Variants in KIF16B observed in about 807,000 individuals in gnomAD.
The protein encoded by KIF16B is kinesin-like protein KIF16B.
A neutral mutation model predicts 156.3 loss-of-function variants in KIF16B; 98 were observed. The ratio of observed to expected loss-of-function variants is 0.63; its 90% CI spans 0.53 to 0.74. KIF16B has a LOEUF of 0.74. KIF16B is among the 30% of genes least tolerant of loss of function. The pLI, the probability that KIF16B is intolerant of heterozygous loss-of-function variation, is 0.00. For synonymous variants in KIF16B, 564 were observed against 583.7 expected (o/e 0.97, Z 0.49); for missense variants, 1,421 against 1,606.5 (o/e 0.88, Z 1.97).
intron 1 of KIF16B, among the ~76,000 whole-genome samples, chr20:16,551,037 A>G (rs2070631245): frequency 6.6e-6 from 1 of 152,164 alleles, no homozygotes; most frequent in African/African-American, 2.4e-5. Context: ...AACATGATTT[A>G]ACCCAGCTAG....
chr20:16,504,308 T>A (rs2068712118), intron 10 of KIF16B, 64 bp downstream of exon 10: 1 of 1,512,926 alleles, frequency 6.6e-7, no homozygotes, highest in African/African-American at 1.4e-5. Context: ...ATTGTCTCAT[T>A]AAGATCTAGA....
intron 12 of KIF16B, among the ~76,000 whole-genome samples, chr20:16,444,034 C>A (rs1401803907): frequency 6.6e-6 from 1 of 152,224 alleles, no homozygotes; most frequent in Non-Finnish European, 1.5e-5. Flanking sequence ...ATGTGCAGTG[C>A]AAGCCAGCTA....
At chr20:16,374,509 T>C (rs2064898745) in intron 19 of KIF16B, 100 bp from the exon 20 acceptor site, 2 of 1,117,228 alleles carry the variant, frequency 1.8e-6, no homozygotes, top group Non-Finnish European at 2.4e-6. Flanking sequence ...GAACAAGATC[T>C]GTCCTCTGTG....
chr20:16,404,842 G>A lies in KIF16B; in HGVS notation c.1755C>T (p.Asn585=). 6.2e-7 allele frequency: 1 copy of A among 1,613,512 alleles called. No homozygotes were observed. Among genetic ancestry groups the A allele is most frequent in the Non-Finnish European group, 8.5e-7 (1 of 1,179,622 alleles). The change falls in exon 17 of 26, where the codon AAC becomes AAT. Residue 585 remains asparagine, a synonymous_variant. Coordinates refer to ENST00000354981, the MANE Select transcript of KIF16B (RefSeq NM_024704.5). ...SMTDLSKSRE[N]LSAVMLYNPG... The stretch of plus-strand genomic sequence containing the variant: ...GGTTATACAACATGACTGCAGACAG[G>A]TTCTCACGGGACTTCGAGAGGTCGG...
intron 25 of KIF16B, among the ~76,000 whole-genome samples, chr20:16,274,426 T>A (rs80343036): frequency 0.12 from 17,679 of 152,144 alleles, 1,127 homozygotes; most frequent in African/African-American, 0.15. Context: ...GCTGGAGGGA[T>A]GTGTTCAAGG....
chr20:16,521,719 T>G (rs2069358400), intron 3 of KIF16B, among the ~76,000 whole-genome samples: 1 of 151,796 alleles, frequency 6.6e-6, no homozygotes, highest in Non-Finnish European at 1.5e-5. Flanking sequence ...CACATAATCG[T>G]CAGATTCACC....
chr20:16,443,845 T>C (rs1391712083), intron 12 of KIF16B, among the ~76,000 whole-genome samples: 3 of 152,198 alleles, frequency 2.0e-5, no homozygotes, highest in African/African-American at 4.8e-5. Context: ...AGAAAGACTT[T>C]TATAAGTAAA....
intron 25 of KIF16B, among the ~76,000 whole-genome samples, chr20:16,301,183 G>A (rs962783193): frequency 2.0e-5 from 3 of 152,132 alleles, no homozygotes; most frequent in Non-Finnish European, 4.4e-5. Flanking sequence ...TCTTTTTAGT[G>A]CTACATAACA....
chr20:16,282,981 T>G (rs901304775), intron 25 of KIF16B, among the ~76,000 whole-genome samples: 1 of 152,212 alleles, frequency 6.6e-6, no homozygotes, highest in Non-Finnish European at 1.5e-5. Context: ...CCGAAGGTAC[T>G]TGAAACCACC....
chr20:16,359,890 GAAGA>G (rs1267716040), intron 22 of KIF16B, among the ~76,000 whole-genome samples: 2 of 152,136 alleles, frequency 1.3e-5, no homozygotes, highest in African/African-American at 4.8e-5. Flanking sequence ...CCTTTGCAGA[GAAGA>G]AAGATATTTC....
chr20:16,445,410 A>C (rs2066905730), intron 12 of KIF16B, among the ~76,000 whole-genome samples: 2 of 127,168 alleles, frequency 1.6e-5, no homozygotes, highest in South Asian at 5.2e-4. Context: ...GTATTCAGAC[A>C]TGTATATACG....
chr20:16,319,832 G>A (rs13040454), intron 24 of KIF16B, among the ~76,000 whole-genome samples: 5,410 of 152,178 alleles, frequency 0.036, 109 homozygotes, highest in African/African-American at 0.045. Context: ...AGCAGGGGAA[G>A]GAAAAAGTAA....
chr20:16,424,179 C>G (rs1020923110), intron 15 of KIF16B, among the ~76,000 whole-genome samples: 2 of 152,046 alleles, frequency 1.3e-5, no homozygotes, highest in African/African-American at 4.8e-5. Flanking sequence ...AATTGCTGAC[C>G]TTTGATCTTC....
In KIF16B at chr20:16,508,050, C is replaced by T. The variant is rs943680586; in HGVS notation, c.607G>A (p.Asp203Asn). ...QNYGDVEELMDAGNINRTTAA... is the reference protein window; with the variant it reads ...QNYGDVEELMNAGNINRTTAA... ...GTGGTCCGGTTGATATTGCCCGCAT[C>T]CATAAGTTCTTCTACGTCACCATAA... Residue 203 changes from aspartate to asparagine, a missense_variant, in exon 7 of 26, where the codon GAT becomes AAT. Asp to Asn is a conservative substitution (Grantham distance 23, BLOSUM62 1). Coordinates refer to ENST00000354981, the MANE Select transcript of KIF16B (RefSeq NM_024704.5). 5 of 1,613,992 alleles carry T rather than the reference C, an allele frequency of 3.1e-6. No homozygotes were observed. Among genetic ancestry groups the T allele is most frequent in the African/African-American group, 1.3e-5 (1 of 74,906 alleles).
intron 15 of KIF16B, among the ~76,000 whole-genome samples, chr20:16,409,349 C>T (rs1382434264): frequency 6.6e-6 from 1 of 151,714 alleles, no homozygotes; most frequent in Non-Finnish European, 1.5e-5. Flanking sequence ...CAAGAGTGAG[C>T]ACTGCACCAA....
At chr20:16,527,679 T>C (rs926174154) in intron 2 of KIF16B, among the ~76,000 whole-genome samples, 7 of 152,148 alleles carry the variant, frequency 4.6e-5, no homozygotes, top group African/African-American at 1.7e-4. Flanking sequence ...TGGGCTCAAG[T>C]GATCCTCCCA....
At chr20:16,556,038 T>C (rs1272065400) in intron 1 of KIF16B, among the ~76,000 whole-genome samples, 1 of 152,174 alleles carries the variant, frequency 6.6e-6, no homozygotes, top group African/African-American at 2.4e-5. Context: ...CTAAATTCCC[T>C]CCTTTACCAT....
chr20:16,510,790 T>C (rs1394517976), intron 6 of KIF16B, among the ~76,000 whole-genome samples: 2 of 152,188 alleles, frequency 1.3e-5, no homozygotes, highest in African/African-American at 4.8e-5. Flanking sequence ...ATGAAGAACA[T>C]GAAAGCACAT....
intron 24 of KIF16B, 88 bp downstream of exon 24, chr20:16,335,838 G>C: frequency 1.3e-6 from 1 of 763,426 alleles, no homozygotes; most frequent in Admixed American, 2.2e-5. Flanking sequence ...GAGAGAGACA[G>C]AGAGAGAGAT....
Sources: gnomAD v4.1 joint callset for allele counts (sites outside exome capture counted in the v4.1 genomes callset) on GRCh38, gnomAD v4.1.1 for gene constraint, MANE v1.5 for transcripts, NCBI Gene and HGNC (gene_info 2026-07-23, HGNC 2026-07-21) for gene names.